The following ACSL3 variants were observed in gnomAD, a reference collection of about 807,000 sequenced individuals.
The protein encoded by ACSL3 is fatty acid CoA ligase Acsl3.
Under a neutral mutation model 84.7 loss-of-function variants are expected in ACSL3, and 34 were observed. The observed-to-expected ratio is 0.40, with a 90% CI of 0.31 to 0.53. ACSL3 has a LOEUF of 0.53. ACSL3 is among the 20% of genes least tolerant of loss of function. ACSL3 has a pLI of 0.48. For missense variants in ACSL3, 680 were observed against 873.1 expected (o/e 0.78, Z 2.79); for synonymous variants, 315 against 299.4 (o/e 1.05, Z -0.54).
chr2:222,861,130 G>C lies in ACSL3; in HGVS notation c.-335G>C, dbSNP rs1007938159. 6.6e-6 allele frequency: 1 copy of C among 152,296 alleles called. No homozygotes were observed. Among genetic ancestry groups the C allele is most frequent in the Non-Finnish European group, 1.5e-5 (1 of 68,140 alleles). 9.4% of individuals were successfully genotyped at this position (152,296 alleles called of 1,614,324 possible). A position where few individuals can be genotyped will look rare whatever the true frequency, so the allele number is the denominator to read the frequency against. On this transcript the variant is annotated 5_prime_UTR_variant, in exon 1 of 17. Coordinates refer to ENST00000357430, the MANE Select transcript of ACSL3 (RefSeq NM_004457.5). ...GCGTTGGACGGGGTCGCATACGTTC[G>C]TCCCCTCGCATTGCGGCCCCGACAG... is the stretch of plus-strand genomic sequence containing the variant.
chr2:222,923,542 C>T (rs183102185), intron 10 of ACSL3, among the ~76,000 whole-genome samples: 3 of 152,286 alleles, frequency 2.0e-5, no homozygotes, highest in Non-Finnish European at 2.9e-5. Flanking sequence ...CAGGGAAAGT[C>T]TGGCCTAAAC....
intron 4 of ACSL3, among the ~76,000 whole-genome samples, chr2:222,910,138 GAATTCAATGAGGAAAATTATAGTAGAA>G (rs960745768): frequency 5.9e-5 from 9 of 152,150 alleles, no homozygotes; most frequent in African/African-American, 9.7e-5. Context: ...ATTATCTTGA[GAATTCAATGAGGAAAATTATAGTAGAA>G]AATTCAATGA....
chr2:222,942,006 T>C lies in ACSL3; in HGVS notation c.*352T>C, dbSNP rs1171533603. 1 of 234,394 alleles carries C rather than the reference T, an allele frequency of 4.3e-6. No homozygotes were observed. Among genetic ancestry groups the C allele is most frequent in the Non-Finnish European group, 8.4e-6 (1 of 119,344 alleles). 14.5% of individuals were successfully genotyped at this position (234,394 alleles called of 1,614,324 possible). A position where few individuals can be genotyped will look rare whatever the true frequency, so the allele number is the denominator to read the frequency against. ...TTCAGTTTGTAACTTTTTAAAAGTT[T>C]GGATGTATAGAGGGATAAATAGGAA... On this transcript the variant is annotated 3_prime_UTR_variant, in exon 17 of 17. Coordinates refer to ENST00000357430, the MANE Select transcript of ACSL3 (RefSeq NM_004457.5).
At chr2:222,878,304 A>G (rs12104813) in intron 1 of ACSL3, among the ~76,000 whole-genome samples, 13,171 of 152,270 alleles carry the variant, frequency 0.086, 872 homozygotes, top group African/African-American at 0.18. Context: ...TCTGTTGGTA[A>G]ATATGTACTA....
chr2:222,905,290 A>C (rs985939988), intron 3 of ACSL3, among the ~76,000 whole-genome samples: 1 of 152,072 alleles, frequency 6.6e-6, no homozygotes, highest in Non-Finnish European at 1.5e-5. Flanking sequence ...TCTCCCGAGT[A>C]GCAGGGACTA....
rs1161385742 is a variant in ACSL3, at chr2:222,942,202, C to G, written c.*548C>G. ...TATGCATTTGAGAGAAATAAATATA[C>G]CCATACTTATGTTTTAAGAAGTTGA... On this transcript the variant is annotated 3_prime_UTR_variant, in exon 17 of 17. Coordinates refer to ENST00000357430, the MANE Select transcript of ACSL3 (RefSeq NM_004457.5). 5.2e-6 allele frequency: 1 copy of G among 192,424 alleles called. No homozygotes were observed. Among genetic ancestry groups the G allele is most frequent in the Non-Finnish European group, 1.1e-5 (1 of 91,930 alleles). The allele number at this position is 192,424 out of a possible 1,614,324, so 11.9% of individuals were successfully genotyped here.
At chr2:222,931,988 T>C (rs1697042042) in intron 14 of ACSL3, among the ~76,000 whole-genome samples, 1 of 152,124 alleles carries the variant, frequency 6.6e-6, no homozygotes, top group African/African-American at 2.4e-5. Flanking sequence ...GAGGCCGTGA[T>C]TGTGCCACTG....
chr2:222,869,357 CT>C (rs1695239200), intron 1 of ACSL3, among the ~76,000 whole-genome samples: 1 of 152,206 alleles, frequency 6.6e-6, no homozygotes, highest in Admixed American at 6.5e-5. Flanking sequence ...TCTGGCTCCC[CT>C]GTCTTCTCTT....
chr2:222,874,449 G>T (rs559013201), intron 1 of ACSL3, among the ~76,000 whole-genome samples: 3 of 152,096 alleles, frequency 2.0e-5, no homozygotes, highest in Admixed American at 6.6e-5. Context: ...CCAGGACTTC[G>T]GGAGGCTGAG....
intron 13 of ACSL3, among the ~76,000 whole-genome samples, 183 bp downstream of exon 13, chr2:222,929,119 G>T (rs1346969916): frequency 6.6e-6 from 1 of 152,122 alleles, no homozygotes; most frequent in Non-Finnish European, 1.5e-5. Flanking sequence ...AGATGTTTCT[G>T]AAGAACTATT....
chr2:222,865,313 C>T (rs1399092723), intron 1 of ACSL3, among the ~76,000 whole-genome samples: 1 of 152,176 alleles, frequency 6.6e-6, no homozygotes. Context: ...GTAGTTTCAA[C>T]TGATCTGCTA....
chr2:222,930,799 C>T lies in ACSL3; in HGVS notation c.1719C>T (p.Cys573=). The T allele has an allele frequency of 6.3e-7, 1 of 1,596,452 alleles. No homozygotes were observed. Among genetic ancestry groups the T allele is most frequent in the Non-Finnish European group, 8.5e-7 (1 of 1,172,562 alleles). ...GDIGEFEPDG[C]LKIIDRKKDL... The stretch of plus-strand genomic sequence containing the variant: ...TTGGAGAGTTTGAACCCGATGGATG[C>T]TTAAAGATTATTGGTAAGTCATCTA... Residue 573 remains cysteine, a synonymous_variant, in exon 14 of 17, where the codon TGC becomes TGT. Coordinates refer to ENST00000357430, the MANE Select transcript of ACSL3 (RefSeq NM_004457.5).
At chr2:222,866,388 G>A (rs1056104220) in intron 1 of ACSL3, among the ~76,000 whole-genome samples, 6 of 152,122 alleles carry the variant, frequency 3.9e-5, no homozygotes, top group African/African-American at 1.2e-4. Flanking sequence ...CTTGTGATCC[G>A]CCCGCCTCGC....
At position 222,896,207 on chromosome 2, in the gene ACSL3, C is replaced by G; in HGVS notation, c.-147-4467C>G. ...CGGGGCGGCTGGCCGACCCCCCCCC[C>G]CGCCGCCTCCCTCCCGGACGGGGCG... On this transcript the variant is annotated intron_variant, in intron 2 of 16. Transcript: ENST00000357430. Among the ~76,000 whole-genome samples, 2 of 10,440 alleles carry G rather than the reference C, an allele frequency of 1.9e-4. 1 individual carries two copies. The highest frequency in any genetic ancestry group is 2.9e-4 in the Non-Finnish European group (2 of 6,942). 6.8% of individuals were successfully genotyped at this position (10,440 alleles called of 152,430 possible).
Position 222,933,196 on chromosome 2 carries a change from C to G in ACSL3, c.1763C>G (p.Ala588Gly). The G allele has an allele frequency of 6.2e-7, 1 of 1,613,714 alleles. No homozygotes were observed. The highest frequency in any genetic ancestry group is 8.5e-7 in the Non-Finnish European group (1 of 1,179,846). The change falls in exon 15 of 17, where the codon GCA (alanine) becomes GGA (glycine). Residue 588 changes from alanine to glycine, a missense_variant. Ala to Gly is a moderately conservative substitution (Grantham distance 60). Coordinates refer to ENST00000357430, the MANE Select transcript of ACSL3 (RefSeq NM_004457.5). ...AAAAAGGACCTTGTAAAACTACAGGCAGGGGAATATGTTTCTCTTGGGAAA... is the reference window on the plus strand; with the variant it reads ...AAAAAGGACCTTGTAAAACTACAGGGAGGGGAATATGTTTCTCTTGGGAAA... ...DRKKDLVKLQ[A>G]GEYVSLGKVE...
chr2:222,927,125 C>T lies in ACSL3; in HGVS notation c.1401C>T (p.Phe467=), dbSNP rs1386743018. 3 of 1,614,058 alleles carry T rather than the reference C, an allele frequency of 1.9e-6. No individual in the cohort carries two copies. Among genetic ancestry groups the T allele is most frequent in the Non-Finnish European group, 2.5e-6 (3 of 1,180,010 alleles). ...CGCAGCGATTCATGAACATCTGTTTCTGCTGTCCTGTTGGTCAGGGATACG... is the reference window on the plus strand; with the variant it reads ...CGCAGCGATTCATGAACATCTGTTTTTGCTGTCCTGTTGGTCAGGGATACG... ...ATTQRFMNIC[F]CCPVGQGYGL... Residue 467 remains phenylalanine (F), a synonymous_variant, in exon 12 of 17, where the codon TTC becomes TTT. Coordinates refer to ENST00000357430, the MANE Select transcript of ACSL3 (RefSeq NM_004457.5).
chr2:222,865,355 A>G (rs1243543570), intron 1 of ACSL3, among the ~76,000 whole-genome samples: 1 of 152,230 alleles, frequency 6.6e-6, no homozygotes, highest in Non-Finnish European at 1.5e-5. Flanking sequence ...TACTTAAATA[A>G]CCAACCTTTT....
chr2:222,905,604 T>G (rs1696272620), intron 3 of ACSL3, among the ~76,000 whole-genome samples: 1 of 152,244 alleles, frequency 6.6e-6, no homozygotes, highest in South Asian at 2.1e-4. Context: ...AGACCGTTTG[T>G]TTTCATTTTG....
At chr2:222,938,036 G>A (rs7602022) in intron 16 of ACSL3, among the ~76,000 whole-genome samples, 137,977 of 152,136 alleles carry the variant, frequency 0.91, 62,667 homozygotes, top group East Asian at 0.98. Flanking sequence ...TAGTTTGATA[G>A]CAGCTTAATC....
Sources: gnomAD v4.1 joint callset for allele counts (sites outside exome capture counted in the v4.1 genomes callset) on GRCh38, gnomAD v4.1.1 for gene constraint, MANE v1.5 for transcripts, NCBI Gene and HGNC (gene_info 2026-07-23, HGNC 2026-07-21) for gene names.